The following ENKD1 variants were observed in gnomAD, a reference collection of about 807,000 sequenced individuals.
ENKD1 encodes the protein enkurin domain containing 1.
Under a neutral mutation model 35.8 loss-of-function variants are expected in ENKD1, and 39 were observed. The observed-to-expected ratio is 1.09, with a 90% CI of 0.84 to 1.42. The LOEUF (loss-of-function observed/expected upper bound fraction) is 1.42, where lower values mean the gene tolerates loss of function less well. Ranked by LOEUF, ENKD1 falls within the 40% of genes most tolerant of loss-of-function variation. The pLI, the probability that ENKD1 is intolerant of heterozygous loss-of-function variation, is 0.00. For synonymous variants in ENKD1, 205 were observed against 198.6 expected, an observed-to-expected ratio of 1.03 and a Z score of -0.27; for missense variants, 474 against 471.3, an observed-to-expected ratio of 1.01 and a Z score of -0.05.
Position 67,663,222 on chromosome 16 carries a change from T to A in ENKD1, c.980A>T (p.Gln327Leu). The A allele has an allele frequency of 6.2e-7, 1 of 1,614,040 alleles. No individual in the cohort carries two copies. Among genetic ancestry groups the A allele is most frequent in the East Asian group, 2.2e-5 (1 of 44,886 alleles). ...HRAELDRKLV[Q>L]VEEAIKIFSR... is the part of the protein sequence containing the mutation. ...AAAGATCTTGATGGCCTCCTCTACC[T>A]GCACCAGCTTCCGGTCCAGCTCAGC... The change falls in exon 7 of 7, where the codon CAG becomes CTG. Residue 327 changes from glutamine to leucine, a missense_variant. Transcript: ENST00000243878.
In ENKD1 at chr16:67,663,182, G is replaced by A. The variant is rs2053053379; in HGVS notation, c.1020C>T (p.Val340=). 6.2e-7 allele frequency: 1 copy of A among 1,614,066 alleles called. No homozygotes were observed. The highest frequency in any genetic ancestry group is 8.5e-7 in the Non-Finnish European group (1 of 1,180,034). The change falls in exon 7 of 7, where the codon GTC becomes GTT. Residue 340 remains valine (V), a synonymous_variant. Coordinates refer to ENST00000243878, the MANE Select transcript of ENKD1 (RefSeq NM_032140.3). ...GGGCTCAGTCGTCCATCTTCACGAA[G>A]ACTTTGGGCCGAGAAAAGATCTTGA... is the stretch of plus-strand genomic sequence containing the variant. ...EAIKIFSRPK[V]FVKMDD
intron 2 of ENKD1, 46 bp downstream of exon 2, chr16:67,666,025 C>T (rs750851072): frequency 6.3e-7 from 1 of 1,577,708 alleles, no homozygotes; most frequent in Non-Finnish European, 8.6e-7. Flanking sequence ...GATCTCTTTC[C>T]ACCCCGCACT....
At position 67,663,650 on chromosome 16, in the gene ENKD1, G is replaced by C; in HGVS notation, c.743+7C>G. ...CTTCACCCTGAGTGTCGGGCAGTGA[G>C]ACCTACTAATGTGGCACATGGCCCT... On this transcript the variant is annotated splice_region_variant and intron_variant, in intron 5 of 6. Transcript: ENST00000243878. The C allele has an allele frequency of 1.2e-6, 2 of 1,608,824 alleles. No homozygotes were observed. Among genetic ancestry groups the C allele is most frequent in the Non-Finnish European group, 1.7e-6 (2 of 1,176,296 alleles).
Position 67,663,268 on chromosome 16 carries a change from G to A in ENKD1, c.934C>T (p.Leu312=). 6.2e-7 allele frequency: 1 copy of A among 1,613,866 alleles called. No homozygotes were observed. Among genetic ancestry groups the A allele is most frequent in the Non-Finnish European group, 8.5e-7 (1 of 1,180,034 alleles). ...TCAGCACGGTGGCTCTGGGCTCTCA[G>A]TGAGTCTGCCCCAGCAGGCAGCAGT... ...LVLLPAGADS[L]RAQSHRAELD... The change falls in exon 7 of 7, where the codon CTG becomes TTG. Residue 312 remains leucine, a synonymous_variant. Coordinates refer to ENST00000243878, the MANE Select transcript of ENKD1 (RefSeq NM_032140.3).
Position 67,663,484 on chromosome 16 carries a change from C to T in ENKD1, c.816G>A (p.Met272Ile), listed in dbSNP as rs2053058496. Residue 272 changes from methionine to isoleucine, a missense_variant, in exon 6 of 7, where the codon ATG becomes ATA. By Grantham distance (10) the Met-to-Ile change is conservative. Transcript: ENST00000243878. ...CAGGCATGCGCGTGTGGCCTGGGGGCATGGCAGGGTCCGGCTGGCTCTGCT... is the reference window on the plus strand; with the variant it reads ...CAGGCATGCGCGTGTGGCCTGGGGGTATGGCAGGGTCCGGCTGGCTCTGCT... ...ARKQSQPDPA[M>I]PPGHTRMPEN... 1 of 1,612,950 alleles carries T rather than the reference C, an allele frequency of 6.2e-7. No homozygotes were observed.
rs140310273 is a variant in ENKD1 at position 67,663,945 on chromosome 16, C to G, written c.571G>C (p.Glu191Gln). The G allele has an allele frequency of 6.7e-5, 108 of 1,605,628 alleles. 1 individual carries two copies. The South Asian group carries it at 1.1e-3, about 16-fold the overall frequency. Residue 191 changes from glutamate to glutamine, a missense_variant, in exon 4 of 7, where the codon GAA becomes CAA. Glu to Gln is a conservative substitution (Grantham distance 29). Transcript: ENST00000243878. ...CCCATACATCCTCTCACCTTAGCTT[C>G]GGGACCTGGTGGGGTTGGCTGGGGA... ...SSPQPTPPGP[E>Q]AKEPGLGVDF...
Position 67,663,443 on chromosome 16 carries a change from T to C in ENKD1, c.857A>G (p.Glu286Gly), listed in dbSNP as rs752341319. Residue 286 changes from glutamate to glycine, a missense_variant, in exon 6 of 7, where the codon GAA (glutamate) becomes GGA (glycine). Transcript: ENST00000243878. ...ACTCTGGAGCAGCTTGGTCAGTGTT[T>C]CCAGCCGCTGGTTCTCAGGCATGCG... is the stretch of plus-strand genomic sequence containing the variant. ...HTRMPENQRL[E>G]TLTKLLQSQS... 2.5e-6 allele frequency: 4 copies of C among 1,613,158 alleles called. No individual in the cohort carries two copies. Among genetic ancestry groups the C allele is most frequent in the Non-Finnish European group, 3.4e-6 (4 of 1,179,930 alleles).
chr16:67,665,313 C>T, intron 2 of ENKD1, 145 bp from the exon 3 acceptor site: 1 of 697,228 alleles, frequency 1.4e-6, no homozygotes, highest in Non-Finnish European at 2.3e-6. Flanking sequence ...CACACACTCT[C>T]CCTCATCACC....
rs763121148 is a variant in ENKD1, at chr16:67,663,732, A to C, written c.668T>G (p.Leu223Arg). The change falls in exon 5 of 7, where the codon CTG (leucine) becomes CGG (arginine). Residue 223 changes from leucine (L) to arginine (R), a missense_variant. Coordinates refer to ENST00000243878, the MANE Select transcript of ENKD1 (RefSeq NM_032140.3). ...PRRHSCSLQV[L>R]AQVLEQQRQA... Reference sequence around the variant, plus strand: ...CCGCTGCTGCTCTAGCACTTGTGCCAGGACCTGCAGTGAGCAGGAATGCCT... The same window carrying C: ...CCGCTGCTGCTCTAGCACTTGTGCCCGGACCTGCAGTGAGCAGGAATGCCT... 3 of 1,612,758 alleles carry C rather than the reference A, an allele frequency of 1.9e-6. No homozygotes were observed.
rs913381993 is a variant in ENKD1 at position 67,663,774 on chromosome 16, G to A, written c.626C>T (p.Ala209Val). ...GGAATGCCTCCGGGGGGCTCTCTTGGCAGCTCGTGCATTGTGACGAATGAA... is the reference window on the plus strand; with the variant it reads ...GGAATGCCTCCGGGGGGCTCTCTTGACAGCTCGTGCATTGTGACGAATGAA... The part of the protein sequence containing the change: ...VDFIRHNARA[A>V]KRAPRRHSCS... Residue 209 changes from alanine to valine, a missense_variant, in exon 5 of 7, where the codon GCC becomes GTC. Coordinates refer to ENST00000243878, the MANE Select transcript of ENKD1 (RefSeq NM_032140.3). 1.7e-5 allele frequency: 27 copies of A among 1,610,102 alleles called. No homozygotes were observed. Among genetic ancestry groups the A allele is most frequent in the Non-Finnish European group, 2.3e-5 (27 of 1,178,148 alleles).
At chr16:67,665,542 T>C (rs938756273) in intron 2 of ENKD1, among the ~76,000 whole-genome samples, 1 of 152,050 alleles carries the variant, frequency 6.6e-6, no homozygotes, top group Admixed American at 6.6e-5. Flanking sequence ...TTGTATTTTT[T>C]GTAGAGATGG....
At position 67,666,057 on chromosome 16, in the gene ENKD1, T is replaced by G. The variant is rs745675236; in HGVS notation, c.280+14A>C. 4 of 1,610,716 alleles carry G rather than the reference T, an allele frequency of 2.5e-6. No individual in the cohort carries two copies. Among genetic ancestry groups the G allele is most frequent in the Non-Finnish European group, 3.4e-6 (4 of 1,178,800 alleles). On this transcript the variant is annotated intron_variant, in intron 2 of 6. Transcript: ENST00000243878. ...CACTGCCTCTCTGTCCCTTCTTCCA[T>G]TCCTGGGACTTACTCTTGAGAGAGG...
Position 67,666,227 on chromosome 16 carries a change from A to T in ENKD1, c.124T>A (p.Leu42Met), listed in dbSNP as rs1437534070. 1 of 1,607,886 alleles carries T rather than the reference A, an allele frequency of 6.2e-7. No homozygotes were observed. Among genetic ancestry groups the T allele is most frequent in the Non-Finnish European group, 8.5e-7 (1 of 1,176,940 alleles). ...RLEGNALKLDLLTSDRALDTT... is the reference protein window; with the variant it reads ...RLEGNALKLDMLTSDRALDTT... ...TCCAGGGCCCGGTCGGAAGTCAGCAAGTCCAGCTTCAGCGCGTTTCCCTCG... is the reference window on the plus strand; with the variant it reads ...TCCAGGGCCCGGTCGGAAGTCAGCATGTCCAGCTTCAGCGCGTTTCCCTCG... Residue 42 changes from leucine (L) to methionine (M), a missense_variant, in exon 2 of 7, where the codon TTG (leucine) becomes ATG (methionine). Transcript: ENST00000243878.
At position 67,665,177 on chromosome 16, in the gene ENKD1, A is replaced by T; in HGVS notation, c.281-9T>A. 6.2e-7 allele frequency: 1 copy of T among 1,607,908 alleles called. No homozygotes were observed. The highest frequency in any genetic ancestry group is 8.5e-7 in the Non-Finnish European group (1 of 1,177,030). ...GTCCTTAGGGTCCTTCCCTGGAGAA[A>T]AGATGCCCCCAGGTTCTGCCCTACA... is the stretch of plus-strand genomic sequence containing the variant. On this transcript the variant is annotated splice_polypyrimidine_tract_variant and intron_variant, in intron 2 of 6. Transcript: ENST00000243878.
chr16:67,664,178 T>C, intron 3 of ENKD1, 116 bp from the exon 4 acceptor site: 1 of 907,882 alleles, frequency 1.1e-6, no homozygotes, highest in Non-Finnish European at 1.8e-6. Context: ...CGGGCCCTCT[T>C]CCCTCTTCAA....
At position 67,666,599 on chromosome 16, in the gene ENKD1, C is replaced by CCCCG; in HGVS notation, c.-161_-158dup. 2 of 659,076 alleles carry CCCCG rather than the reference C, an allele frequency of 3.0e-6. No homozygotes were observed. Among genetic ancestry groups the CCCCG allele is most frequent in the Non-Finnish European group, 2.3e-6 (1 of 426,342 alleles). 40.8% of individuals were successfully genotyped at this position (659,076 alleles called of 1,614,324 possible). On this transcript the variant is annotated 5_prime_UTR_variant, in exon 1 of 7. Coordinates refer to ENST00000243878, the MANE Select transcript of ENKD1 (RefSeq NM_032140.3). The stretch of plus-strand genomic sequence containing the variant: ...GGGCCCCTGCCGGTCCCCGCCTGGG[C>CCCCG]CCCGGCCTCGCTCGCCACCTCCGCG...
Position 67,666,276 on chromosome 16 carries a change from G to C in ENKD1, c.86-11C>G. Reference sequence around the variant, plus strand: ...CGAGGCGCCCTTGAGCTGTGGGGCGGAGCCGGGCGGAGTCCGGGGCTCAGA... The same window carrying C: ...CGAGGCGCCCTTGAGCTGTGGGGCGCAGCCGGGCGGAGTCCGGGGCTCAGA... On this transcript the variant is annotated splice_polypyrimidine_tract_variant and intron_variant, in intron 1 of 6. Coordinates refer to ENST00000243878, the MANE Select transcript of ENKD1 (RefSeq NM_032140.3). 1 of 1,600,400 alleles carries C rather than the reference G, an allele frequency of 6.2e-7. No homozygotes were observed. Among genetic ancestry groups the C allele is most frequent in the Non-Finnish European group, 8.5e-7 (1 of 1,174,756 alleles).
chr16:67,664,028 T>G lies in ENKD1; in HGVS notation c.488A>C (p.His163Pro), dbSNP rs1158029237. 3 of 1,563,788 alleles carry G rather than the reference T, an allele frequency of 1.9e-6. No homozygotes were observed. The highest frequency in any genetic ancestry group is 2.6e-6 in the Non-Finnish European group (3 of 1,153,572). ...GCAGCGGGAGTGCGCCCGCAGGAAGTGGGCAGACTCTGTCCCAGAGGCAGG... is the reference window on the plus strand; with the variant it reads ...GCAGCGGGAGTGCGCCCGCAGGAAGGGGGCAGACTCTGTCCCAGAGGCAGG... Reference protein sequence around the residue: ...PGPASGTESAHFLRAHSRCGP... With the variant: ...PGPASGTESAPFLRAHSRCGP... The change falls in exon 4 of 7, where the codon CAC (histidine) becomes CCC (proline). Residue 163 changes from histidine (H) to proline (P), a missense_variant. Transcript: ENST00000243878.
chr16:67,666,242 CGT>C lies in ENKD1; in HGVS notation c.107_108del (p.Asn36SerfsTer62), dbSNP rs1358941295. On this transcript the variant is annotated frameshift_variant, in exon 2 of 7. Transcript: ENST00000243878. LOFTEE classifies it high-confidence loss of function. ...GAAGTCAGCAAGTCCAGCTTCAGCG[CGT>C]TTCCCTCGAGGCGCCCTTGAGCTGT... is the stretch of plus-strand genomic sequence containing the variant. Reference protein sequence around the residue: ...PTSAQGRLEGNALKLDLLTSD... With the variant: ...PTSAQGRLEGXALKLDLLTSD... The C allele has an allele frequency of 6.2e-7, 1 of 1,605,340 alleles. No homozygotes were observed. The highest frequency in any genetic ancestry group is 8.5e-7 in the Non-Finnish European group (1 of 1,175,518).
Sources: gnomAD v4.1 joint callset for allele counts (sites outside exome capture counted in the v4.1 genomes callset) on GRCh38, gnomAD v4.1.1 for gene constraint, MANE v1.5 for transcripts, NCBI Gene and HGNC (gene_info 2026-07-23, HGNC 2026-07-21) for gene names.